The following UGT2A1 variants were observed in gnomAD, a reference collection of about 807,000 sequenced individuals.
UGT2A1 encodes the protein UDP glucuronosyltransferase family 2 member A1 complex locus, also known as UDP-glucuronosyltransferase 2A1.
In UGT2A1, 61 loss-of-function variants were observed where a neutral mutation model predicts 45.4. The observed-to-expected ratio is 1.34, with a 90% CI of 1.09 to 1.66. UGT2A1 has a LOEUF of 1.66. Ranked by LOEUF, UGT2A1 falls within the 40% of genes most tolerant of loss-of-function variation. UGT2A1 has a pLI of 0.00. For missense variants in UGT2A1, 649 were observed against 574.3 expected (o/e 1.13, Z -1.33); for synonymous variants, 229 against 196.2 (o/e 1.17, Z -1.40).
At chr4:69,595,401 G>C in intron 4 of UGT2A1, 152 bp from the exon 5 acceptor site, 2 of 796,498 alleles carry the variant, frequency 2.5e-6, no homozygotes, top group South Asian at 1.8e-5. Flanking sequence ...TAGTAGGACT[G>C]TTTATATGTA....
chr4:69,645,142 C>G (rs1030344551), intron 2 of UGT2A1, among the ~76,000 whole-genome samples: 1 of 151,654 alleles, frequency 6.6e-6, no homozygotes, highest in Non-Finnish European at 1.5e-5. Context: ...GCAGTCTGTG[C>G]ATTATTACTT....
At chr4:69,613,826 T>C (rs1275188072) in intron 3 of UGT2A1, among the ~76,000 whole-genome samples, 1 of 151,868 alleles carries the variant, frequency 6.6e-6, no homozygotes, top group South Asian at 2.1e-4. Context: ...GGAACATAGC[T>C]CAACATTATA....
At chr4:69,612,172 A>G (rs777456856) in intron 3 of UGT2A1, among the ~76,000 whole-genome samples, 29 of 152,084 alleles carry the variant, frequency 1.9e-4, no homozygotes, top group Non-Finnish European at 3.2e-4. Context: ...ATGTATGAAA[A>G]TCAGCAAAAG....
intron 2 of UGT2A1, among the ~76,000 whole-genome samples, chr4:69,642,446 A>T (rs1164000428): frequency 6.6e-6 from 1 of 151,770 alleles, no homozygotes; most frequent in East Asian, 1.9e-4. Context: ...TAAGAAAGAG[A>T]AAAAGAAAAA....
chr4:69,618,699 T>C (rs1720558915), intron 3 of UGT2A1, among the ~76,000 whole-genome samples: 1 of 151,992 alleles, frequency 6.6e-6, no homozygotes, highest in Admixed American at 6.6e-5. Flanking sequence ...AAAAGTGTAA[T>C]TCTAAGTTCA....
At chr4:69,592,840 G>T (rs1324197901) in intron 6 of UGT2A1, among the ~76,000 whole-genome samples, 1 of 152,000 alleles carries the variant, frequency 6.6e-6, no homozygotes, top group Non-Finnish European at 1.5e-5. Flanking sequence ...AGAAAAACTG[G>T]ATAATTTTTT....
At chr4:69,601,241 C>T (rs746343560) in intron 3 of UGT2A1, among the ~76,000 whole-genome samples, 16 of 152,272 alleles carry the variant, frequency 1.1e-4, no homozygotes, top group Non-Finnish European at 2.1e-4. Flanking sequence ...TCCCTCTGAT[C>T]CTCACTGTGA....
At chr4:69,637,908 A>AAGGC (rs140477220) in intron 2 of UGT2A1, among the ~76,000 whole-genome samples, 6 of 150,120 alleles carry the variant, frequency 4.0e-5, no homozygotes, top group African/African-American at 1.5e-4. Flanking sequence ...GGCAAGAAGG[A>AAGGC]AGGCAGGCAG....
chr4:69,618,381 T>C (rs1720543175), intron 3 of UGT2A1, among the ~76,000 whole-genome samples: 1 of 151,844 alleles, frequency 6.6e-6, no homozygotes, highest in South Asian at 2.1e-4. Flanking sequence ...GAGATTCCAC[T>C]ACAGGTTGGC....
At chr4:69,593,630 G>T (rs1267572331) in intron 6 of UGT2A1, among the ~76,000 whole-genome samples, 1 of 151,090 alleles carries the variant, frequency 6.6e-6, no homozygotes, top group Non-Finnish European at 1.5e-5. Flanking sequence ...CAATCTAAAA[G>T]CTGAATCAGA....
At chr4:69,650,551 A>T (rs1396667650) in intron 1 of UGT2A1, among the ~76,000 whole-genome samples, 1 of 152,054 alleles carries the variant, frequency 6.6e-6, no homozygotes, top group South Asian at 2.1e-4. Context: ...AAAGTAATAA[A>T]ATAAAATAAA....
At chr4:69,607,251 C>A (rs993026249) in intron 3 of UGT2A1, among the ~76,000 whole-genome samples, 4 of 150,242 alleles carry the variant, frequency 2.7e-5, no homozygotes, top group Admixed American at 2.0e-4. Context: ...ACAGAGCCCT[C>A]AGAAATAATG....
At chr4:69,628,275 T>G (rs4694027) in intron 3 of UGT2A1, among the ~76,000 whole-genome samples, 6,339 of 136,736 alleles carry the variant, frequency 0.046, 211 homozygotes, top group South Asian at 0.15. Flanking sequence ...AAAATTTATA[T>G]GGAGCCACAA....
intron 3 of UGT2A1, among the ~76,000 whole-genome samples, chr4:69,627,598 A>AAAAGAAAGAAAGAAAGAAAG (rs143064060): frequency 2.7e-5 from 4 of 149,112 alleles, no homozygotes; most frequent in African/African-American, 9.9e-5. Flanking sequence ...AAGAAGAAAG[A>AAAAGAAAGAAAGAAAGAAAG]AAAGAAAGAA....
chr4:69,611,546 G>GT (rs1005084869), intron 3 of UGT2A1, among the ~76,000 whole-genome samples: 1 of 151,860 alleles, frequency 6.6e-6, no homozygotes, highest in Non-Finnish European at 1.5e-5. Context: ...ATAGCTCAGA[G>GT]TTTTTTTCTC....
At chr4:69,592,773 A>C (rs1215385155) in intron 6 of UGT2A1, among the ~76,000 whole-genome samples, 1 of 152,098 alleles carries the variant, frequency 6.6e-6, no homozygotes, top group African/African-American at 2.4e-5. Flanking sequence ...AGTAAAGATA[A>C]AAAATGGAAA....
chr4:69,594,380 G>T, intron 6 of UGT2A1, 97 bp downstream of exon 6: 2 of 1,458,536 alleles, frequency 1.4e-6, no homozygotes, highest in Non-Finnish European at 1.8e-6. Context: ...GGTTGTTATT[G>T]GAAAATAATT....
chr4:69,638,957 T>G (rs1560493476), intron 2 of UGT2A1: 1 of 1,612,920 alleles, frequency 6.2e-7, no homozygotes. Flanking sequence ...ATATATAGTC[T>G]TGCAGAGAAT....
chr4:69,620,463 C>T (rs1720684072), intron 3 of UGT2A1, among the ~76,000 whole-genome samples: 1 of 151,756 alleles, frequency 6.6e-6, no homozygotes, highest in African/African-American at 2.4e-5. Context: ...CAAAACACTG[C>T]TCAAAGAAAT....
Sources: gnomAD v4.1 joint callset for allele counts (sites outside exome capture counted in the v4.1 genomes callset) on GRCh38, gnomAD v4.1.1 for gene constraint, MANE v1.5 for transcripts, NCBI Gene and HGNC (gene_info 2026-07-23, HGNC 2026-07-21) for gene names.